The following C19orf12 variants were observed in gnomAD, a reference collection of about 807,000 sequenced individuals.
C19orf12 encodes chromosome 19 open reading frame 12.
Under a neutral mutation model 3.8 loss-of-function variants are expected in C19orf12, and 2 were observed. The observed-to-expected ratio is 0.53, with a 90% CI of 0.22 to 1.66. The LOEUF is 1.66. Ranked by LOEUF, C19orf12 falls within the 40% of genes most tolerant of loss-of-function variation. The pLI, the probability that C19orf12 is intolerant of heterozygous loss-of-function variation, is 0.20. For synonymous variants in C19orf12, 89 were observed against 84.6 expected (o/e 1.05, Z -0.28); for missense variants, 156 against 188.8 (o/e 0.83, Z 1.02).
At position 29,700,784 on chromosome 19, in the gene C19orf12, C is replaced by T. The variant is rs1295948529; in HGVS notation, c.*1928G>A. 3 of 453,996 alleles carry T rather than the reference C, an allele frequency of 6.6e-6. No homozygotes were observed. The highest frequency in any genetic ancestry group is 2.0e-5 in the African/African-American group (1 of 49,998). The allele number at this position is 453,996 out of a possible 1,614,324, so 28.1% of individuals were successfully genotyped here. A position where few individuals can be genotyped will look rare whatever the true frequency, so the allele number is the denominator to read the frequency against. On this transcript the variant is annotated 3_prime_UTR_variant, in exon 3 of 3. Coordinates refer to ENST00000323670, the MANE Select transcript of C19orf12 (RefSeq NM_031448.6). Reference sequence around the variant, plus strand: ...CACCATGGGTTATAATTCACCCTGACGTCCTTACACACATGGAGGTGCCAG... The same window carrying T: ...CACCATGGGTTATAATTCACCCTGATGTCCTTACACACATGGAGGTGCCAG...
rs1323503929 is a variant in C19orf12, at chr19:29,701,652, T to C, written c.*1060A>G. On this transcript the variant is annotated 3_prime_UTR_variant, in exon 3 of 3. Coordinates refer to ENST00000323670, the MANE Select transcript of C19orf12 (RefSeq NM_031448.6). ...TATCACACCACTTCAGAAAGAGCAA[T>C]ACAGGCATACCTCATTCTACTATGC... 1 of 454,070 alleles carries C rather than the reference T, an allele frequency of 2.2e-6. No homozygotes were observed. 28.1% of individuals were successfully genotyped at this position (454,070 alleles called of 1,614,324 possible). A position where few individuals can be genotyped will look rare whatever the true frequency, so the allele number is the denominator to read the frequency against.
chr19:29,699,177 A>G lies in C19orf12; in HGVS notation c.*3535T>C, dbSNP rs1407739625. On this transcript the variant is annotated 3_prime_UTR_variant, in exon 3 of 3. Transcript: ENST00000323670. ...AAGAAGGCAAGTACGTTAGAAATATACATACATAGGCCGGGCGCAGTGGCT... is the reference window on the plus strand; with the variant it reads ...AAGAAGGCAAGTACGTTAGAAATATGCATACATAGGCCGGGCGCAGTGGCT... The G allele has an allele frequency of 2.2e-6, 1 of 453,946 alleles. No individual in the cohort carries two copies. Among genetic ancestry groups the G allele is most frequent in the Non-Finnish European group, 4.4e-6 (1 of 226,766 alleles). 28.1% of individuals were successfully genotyped at this position (453,946 alleles called of 1,614,324 possible).
At chr19:29,706,031 C>T (rs11665743) in intron 2 of C19orf12, among the ~76,000 whole-genome samples, 21,980 of 152,196 alleles carry the variant, frequency 0.14, 1,872 homozygotes, top group East Asian at 0.37. Context: ...GCAAAACCAG[C>T]GCTTGCTTCT....
upstream of C19orf12, chr19:29,715,364 C>CG (rs769044626): frequency 2.4e-4 from 93 of 392,516 alleles, no homozygotes; most frequent in Non-Finnish European, 2.4e-4. Context: ...TAGGGGGAGC[C>CG]GGGGGTCGCT....
intron 2 of C19orf12, among the ~76,000 whole-genome samples, chr19:29,704,844 C>T (rs1972290115): frequency 6.6e-6 from 1 of 152,186 alleles, no homozygotes; most frequent in Admixed American, 6.5e-5. Context: ...CATGGACCTT[C>T]CGAGGCCCAG....
At position 29,700,020 on chromosome 19, in the gene C19orf12, G is replaced by A. The variant is rs569552156; in HGVS notation, c.*2692C>T. ...TCACCCCAGGACCCAGCTAGTTCCA[G>A]TGTCTTCACTCAGCAAGGCCTGCTC... On this transcript the variant is annotated 3_prime_UTR_variant, in exon 3 of 3. Coordinates refer to ENST00000323670, the MANE Select transcript of C19orf12 (RefSeq NM_031448.6). The A allele has an allele frequency of 9.0e-4, 410 of 454,092 alleles. 8 individuals are homozygous for A. The highest frequency in any genetic ancestry group is 6.0e-3 in the South Asian group (390 of 64,474). 28.1% of individuals were successfully genotyped at this position (454,092 alleles called of 1,614,324 possible).
At chr19:29,707,871 CTTTTT>C (rs199544563) in intron 2 of C19orf12, among the ~76,000 whole-genome samples, 2 of 143,288 alleles carry the variant, frequency 1.4e-5, no homozygotes, top group African/African-American at 5.1e-5. Flanking sequence ...TTTCTTTTTC[CTTTTT>C]TTTTTTTTTC....
rs1417037891 is a variant in C19orf12, at chr19:29,700,556, A to G, written c.*2156T>C. 2.2e-6 allele frequency: 1 copy of G among 454,176 alleles called. No homozygotes were observed. Among genetic ancestry groups the G allele is most frequent in the East Asian group, 7.0e-5 (1 of 14,386 alleles). 28.1% of individuals were successfully genotyped at this position (454,176 alleles called of 1,614,324 possible). A position where few individuals can be genotyped will look rare whatever the true frequency, so the allele number is the denominator to read the frequency against. On this transcript the variant is annotated 3_prime_UTR_variant, in exon 3 of 3. Coordinates refer to ENST00000323670, the MANE Select transcript of C19orf12 (RefSeq NM_031448.6). ...GCAGGAATGATCAGTTCAACAAGAAAAGCCACACTCAGTTTTCACAGACAG... is the reference window on the plus strand; with the variant it reads ...GCAGGAATGATCAGTTCAACAAGAAGAGCCACACTCAGTTTTCACAGACAG...
Position 29,702,431 on chromosome 19 carries a change from G to A in C19orf12, c.*281C>T, listed in dbSNP as rs140718921. On this transcript the variant is annotated 3_prime_UTR_variant, in exon 3 of 3. Transcript: ENST00000323670. Reference sequence around the variant, plus strand: ...GTGAGAGGACTCAGCAGACGCCTCCGAAGCCTGCGGCAGGCAGGCCTTTAC... The same window carrying A: ...GTGAGAGGACTCAGCAGACGCCTCCAAAGCCTGCGGCAGGCAGGCCTTTAC... The A allele has an allele frequency of 5.0e-4, 315 of 635,024 alleles. 3 individuals are homozygous for A. In the East Asian group the frequency reaches 8.8e-3, roughly 18 times the overall value. 39.3% of individuals were successfully genotyped at this position (635,024 alleles called of 1,614,324 possible).
rs1568332438 is a variant in C19orf12 at position 29,708,302 on chromosome 19, T to C, written c.112A>G (p.Met38Val). ...CCCACCAAACCCCCGACGAAGGCCATGGCCCCTGTGACCAGGGCACCCTTC... is the reference window on the plus strand; with the variant it reads ...CCCACCAAACCCCCGACGAAGGCCACGGCCCCTGTGACCAGGGCACCCTTC... ...SGKGALVTGA[M>V]AFVGGLVGGP... Residue 38 changes from methionine to valine, a missense_variant, in exon 2 of 3, where the codon ATG becomes GTG. Physicochemically the swap from Met to Val is conservative, Grantham distance 21 (BLOSUM62 1). Coordinates refer to ENST00000323670, the MANE Select transcript of C19orf12 (RefSeq NM_031448.6). 2 of 1,613,834 alleles carry C rather than the reference T, an allele frequency of 1.2e-6. No individual in the cohort carries two copies. Among genetic ancestry groups the C allele is most frequent in the Non-Finnish European group, 1.7e-6 (2 of 1,180,014 alleles).
Position 29,708,237 on chromosome 19 carries a change from G to A in C19orf12, c.160+17C>T, listed in dbSNP as rs778071699. ...CATCCCCGAGGCTGGCTATCTCTGTGAGACACCTGCACTTACCAACGGCGA... is the reference window on the plus strand; with the variant it reads ...CATCCCCGAGGCTGGCTATCTCTGTAAGACACCTGCACTTACCAACGGCGA... On this transcript the variant is annotated intron_variant, in intron 2 of 2. Transcript: ENST00000323670. 1.2e-6 allele frequency: 2 copies of A among 1,609,260 alleles called. No homozygotes were observed. The highest frequency in any genetic ancestry group is 1.3e-5 in the African/African-American group (1 of 74,984).
rs956685193 is a variant in C19orf12, at chr19:29,715,219, C to T, written c.-105G>A. 2.2e-6 allele frequency: 1 copy of T among 453,406 alleles called. No individual in the cohort carries two copies. Among genetic ancestry groups the T allele is most frequent in the Non-Finnish European group, 4.0e-6 (1 of 247,846 alleles). 28.1% of individuals were successfully genotyped at this position (453,406 alleles called of 1,614,324 possible). A position where few individuals can be genotyped will look rare whatever the true frequency, so the allele number is the denominator to read the frequency against. On this transcript the variant is annotated 5_prime_UTR_variant, in exon 1 of 3. Coordinates refer to ENST00000323670, the MANE Select transcript of C19orf12 (RefSeq NM_031448.6). Reference sequence around the variant, plus strand: ...CCGGGCTCCCCGCCCAGCTCCCCAGCCCCGCGGAGGGTCGCGCAGGCCTTG... The same window carrying T: ...CCGGGCTCCCCGCCCAGCTCCCCAGTCCCGCGGAGGGTCGCGCAGGCCTTG...
chr19:29,713,416 G>A (rs561300603), intron 1 of C19orf12, among the ~76,000 whole-genome samples: 9 of 151,970 alleles, frequency 5.9e-5, no homozygotes, highest in Non-Finnish European at 1.0e-4. Flanking sequence ...ACAGAGAGAC[G>A]GAGACAAGCC....
In C19orf12 at chr19:29,699,896, C is replaced by G. The variant is rs1052121782; in HGVS notation, c.*2816G>C. ...TAAAACCACAGGAGCTGAGAAGCAG[C>G]GCTTGATTTCCTGGGGGAAATCAAG... On this transcript the variant is annotated 3_prime_UTR_variant, in exon 3 of 3. Transcript: ENST00000323670. The G allele has an allele frequency of 2.2e-6, 1 of 449,278 alleles. No homozygotes were observed. The highest frequency in any genetic ancestry group is 6.9e-5 in the East Asian group (1 of 14,406). 27.8% of individuals were successfully genotyped at this position (449,278 alleles called of 1,614,324 possible).
chr19:29,705,662 C>T (rs563007319), intron 2 of C19orf12, among the ~76,000 whole-genome samples: 1 of 151,058 alleles, frequency 6.6e-6, no homozygotes, highest in Non-Finnish European at 1.5e-5. Flanking sequence ...AGGCATGAAC[C>T]ACCATGCCTG....
chr19:29,706,841 C>T (rs184369168), intron 2 of C19orf12, among the ~76,000 whole-genome samples: 7 of 152,304 alleles, frequency 4.6e-5, no homozygotes, highest in African/African-American at 1.7e-4. Context: ...ACCCGGCCAG[C>T]GAGCTGGGGA....
At chr19:29,715,549 C>G (rs1323064962), upstream of C19orf12, 1 of 230,588 alleles carries the variant, frequency 4.3e-6, no homozygotes, top group African/African-American at 2.4e-5. Context: ...TGATCACATC[C>G]GGGCCCCGCG....
chr19:29,700,466 G>A lies in C19orf12; in HGVS notation c.*2246C>T, dbSNP rs1972026613. 2.2e-6 allele frequency: 1 copy of A among 454,096 alleles called. No homozygotes were observed. The highest frequency in any genetic ancestry group is 1.6e-5 in the South Asian group (1 of 64,478). The allele number at this position is 454,096 out of a possible 1,614,324, so 28.1% of individuals were successfully genotyped here. A position where few individuals can be genotyped will look rare whatever the true frequency, so the allele number is the denominator to read the frequency against. On this transcript the variant is annotated 3_prime_UTR_variant, in exon 3 of 3. Transcript: ENST00000323670. ...CACTAAAGCTATACAAAATTGGGAG[G>A]GGGCATGCTCTGATTTTCCATTTTT...
At chr19:29,698,933 T>TA (rs577433687), downstream of C19orf12, 49 of 437,580 alleles carry the variant, frequency 1.1e-4, no homozygotes, top group Non-Finnish European at 2.0e-4. Context: ...TCCCAAAGAC[T>TA]ATATACCAGA....
Sources: allele counts gnomAD v4.1 joint callset (sites outside exome capture counted in the v4.1 genomes callset), GRCh38; gene constraint gnomAD v4.1.1; transcripts MANE v1.5; gene names NCBI Gene and HGNC (gene_info 2026-07-23, HGNC 2026-07-21).